DNAJC13: variants seen among roughly 807,000 people sequenced by gnomAD.
The protein encoded by DNAJC13 is dnaJ homolog subfamily C member 13.
DNAJC13 carries 75 observed loss-of-function variants against 290.5 expected under a neutral mutation model. The ratio of observed to expected loss-of-function variants is 0.26; its 90% CI spans 0.21 to 0.31. The LOEUF (loss-of-function observed/expected upper bound fraction) is 0.31. Ranked by LOEUF, DNAJC13 falls within the 10% of genes least tolerant of loss-of-function variation. The pLI, the probability that DNAJC13 is intolerant of heterozygous loss-of-function variation, is 1.00. For synonymous variants in DNAJC13, 862 were observed against 892.0 expected, an observed-to-expected ratio of 0.97 and a Z score of 0.60; for missense variants, 2,260 against 2,674.5, an observed-to-expected ratio of 0.85 and a Z score of 3.42.
chr3:132,471,238 G>A (rs1475321014), intron 20 of DNAJC13, among the ~76,000 whole-genome samples: 5 of 137,766 alleles, frequency 3.6e-5, no homozygotes, highest in South Asian at 2.3e-4. Context: ...CTGGCCGGGC[G>A]GGGGGCTGAC....
chr3:132,472,919 A>C (rs1934333221), intron 20 of DNAJC13, among the ~76,000 whole-genome samples: 1 of 152,244 alleles, frequency 6.6e-6, no homozygotes, highest in Admixed American at 6.5e-5. Flanking sequence ...CATGGAAAAT[A>C]CTTGAGTAAC....
At chr3:132,453,802 C>T (rs928539753) in intron 8 of DNAJC13, 108 bp downstream of exon 8, 3 of 929,902 alleles carry the variant, frequency 3.2e-6, no homozygotes, top group Non-Finnish European at 3.3e-6. Flanking sequence ...ATGGAATGGA[C>T]AGAATCTGTA....
intron 55 of DNAJC13, among the ~76,000 whole-genome samples, chr3:132,537,879 C>T (rs145685250): frequency 3.3e-5 from 5 of 152,174 alleles, no homozygotes; most frequent in South Asian, 2.1e-4. Context: ...TTTCAGTGCT[C>T]GGAATTTTTT....
At chr3:132,472,657 T>C in intron 20 of DNAJC13, 2 of 924,840 alleles carry the variant, frequency 2.2e-6, no homozygotes, top group Non-Finnish European at 2.6e-6. Context: ...GTTTAATAAA[T>C]TCAAGTCTTA....
chr3:132,534,378 A>G (rs1936526085), intron 55 of DNAJC13, among the ~76,000 whole-genome samples: 1 of 152,210 alleles, frequency 6.6e-6, no homozygotes, highest in South Asian at 2.1e-4. Flanking sequence ...CCAACTTGCC[A>G]GGTGCAATGG....
intron 1 of DNAJC13, among the ~76,000 whole-genome samples, chr3:132,422,339 C>T (rs568361585): frequency 6.6e-6 from 1 of 152,068 alleles, no homozygotes; most frequent in African/African-American, 2.4e-5. Flanking sequence ...ACCTGGCTCA[C>T]TTGGACACTT....
chr3:132,454,794 T>A (rs202116624), intron 9 of DNAJC13, among the ~76,000 whole-genome samples: 2 of 118,836 alleles, frequency 1.7e-5, no homozygotes, highest in Non-Finnish European at 2.0e-5. Context: ...AAGAACACCT[T>A]AAAAAAAAAA....
chr3:132,530,917 C>A, intron 54 of DNAJC13, 81 bp from the exon 55 acceptor site: 1 of 1,249,714 alleles, frequency 8.0e-7, no homozygotes, highest in Admixed American at 1.8e-5. Context: ...TTCCTTGTTG[C>A]TTTGGAAGTT....
intron 5 of DNAJC13, among the ~76,000 whole-genome samples, chr3:132,448,143 A>G (rs906197566): frequency 2.2e-4 from 33 of 152,182 alleles, no homozygotes; most frequent in African/African-American, 7.0e-4. Context: ...TGATACTGGT[A>G]GATGGGGGGA....
chr3:132,440,160 GAT>G, intron 2 of DNAJC13, among the ~76,000 whole-genome samples: 1 of 152,222 alleles, frequency 6.6e-6, no homozygotes, highest in Non-Finnish European at 1.5e-5. Context: ...AGGAGGCTGA[GAT>G]GGGAGAATTG....
Position 132,500,809 on chromosome 3 carries a change from A to G in DNAJC13, c.4432A>G (p.Ser1478Gly), listed in dbSNP as rs764650683. The G allele has an allele frequency of 4.3e-6, 7 of 1,614,040 alleles. No homozygotes were observed. Among genetic ancestry groups the G allele is most frequent in the Non-Finnish European group, 5.1e-6 (6 of 1,179,942 alleles). ...TTGTCTGCAGGTGTGTGGATACATA[A>G]GTAAATGCTACAGTGTGGCTGCTCA... ...DMSVQVCGYI[S>G]KCYSVAAQFE... Residue 1478 changes from serine (S) to glycine (G), a missense_variant, in exon 39 of 56, where the codon AGT (serine) becomes GGT (glycine). Physicochemically the swap from Ser to Gly is moderately conservative, Grantham distance 56. Transcript: ENST00000260818.
intron 32 of DNAJC13, among the ~76,000 whole-genome samples, chr3:132,491,317 T>C (rs1322997572): frequency 1.3e-5 from 2 of 152,156 alleles, no homozygotes; most frequent in African/African-American, 4.8e-5. Flanking sequence ...TTAAATCAGT[T>C]TATAGAACTC....
At chr3:132,492,744 A>T in intron 33 of DNAJC13, 129 bp downstream of exon 33, 1 of 736,876 alleles carries the variant, frequency 1.4e-6, no homozygotes, top group Non-Finnish European at 2.2e-6. Flanking sequence ...AGCACTAAGC[A>T]CTGTGTGACT....
chr3:132,421,443 A>G (rs1328612003), intron 1 of DNAJC13, among the ~76,000 whole-genome samples: 1 of 152,136 alleles, frequency 6.6e-6, no homozygotes, highest in Non-Finnish European at 1.5e-5. Context: ...GTATCTTTAC[A>G]TGGAATCATT....
At chr3:132,501,004 C>A in intron 39 of DNAJC13, 91 bp downstream of exon 39, 2 of 1,429,028 alleles carry the variant, frequency 1.4e-6, no homozygotes, top group Non-Finnish European at 1.9e-6. Context: ...ACATTGTTTT[C>A]CCAAAGTTAT....
At chr3:132,485,592 G>C (rs1934841468) in intron 29 of DNAJC13, among the ~76,000 whole-genome samples, 1 of 152,206 alleles carries the variant, frequency 6.6e-6, no homozygotes, top group Non-Finnish European at 1.5e-5. Context: ...ATTTATTCCA[G>C]TTTGTGGTGT....
intron 55 of DNAJC13, among the ~76,000 whole-genome samples, chr3:132,534,654 T>A (rs1173688068): frequency 6.6e-6 from 1 of 150,922 alleles, no homozygotes; most frequent in Non-Finnish European, 1.5e-5. Flanking sequence ...TCAAAAAAAA[T>A]TAAGTTACAT....
chr3:132,428,235 C>T (rs1939155782), intron 1 of DNAJC13, among the ~76,000 whole-genome samples: 1 of 152,170 alleles, frequency 6.6e-6, no homozygotes, highest in Non-Finnish European at 1.5e-5. Context: ...ATTGCCATTA[C>T]CTTCATTAGC....
rs748175933 is a variant in DNAJC13 at position 132,457,347 on chromosome 3, T to G, written c.1428T>G (p.Asp476Glu). 1 of 1,613,566 alleles carries G rather than the reference T, an allele frequency of 6.2e-7. No individual in the cohort carries two copies. The highest frequency in any genetic ancestry group is 8.5e-7 in the Non-Finnish European group (1 of 1,179,628). Residue 476 changes from aspartate (D) to glutamate (E), a missense_variant, in exon 13 of 56, where the codon GAT becomes GAG. By Grantham distance (45) the Asp-to-Glu change is conservative. This residue lies in a region of DNAJC13 where 762 missense variants were observed against 964.1 expected (regional missense o/e 0.79). Coordinates refer to ENST00000260818, the MANE Select transcript of DNAJC13 (RefSeq NM_015268.4). Reference protein sequence around the residue: ...SNNGIIHAAVDMLCALMCPMH... With the variant: ...SNNGIIHAAVEMLCALMCPMH... ...ACGGAATAATCCATGCAGCAGTTGATATGCTTTGTGCCCTTATGTGTGTAA... is the reference window on the plus strand; with the variant it reads ...ACGGAATAATCCATGCAGCAGTTGAGATGCTTTGTGCCCTTATGTGTGTAA...
Sources: gnomAD v4.1 joint callset for allele counts (sites outside exome capture counted in the v4.1 genomes callset) on GRCh38, gnomAD v4.1.1 for gene constraint, gnomAD v4.1.1 regional missense constraint, MANE v1.5 for transcripts, NCBI Gene and HGNC (gene_info 2026-07-23, HGNC 2026-07-21) for gene names.